CTTNBP2NL: variants seen among roughly 807,000 people sequenced by gnomAD.
CTTNBP2NL encodes the protein CTTNBP2 N-terminal like, also known as CTTNBP2 N-terminal-like protein.
A neutral mutation model predicts 32.5 loss-of-function variants in CTTNBP2NL; 16 were observed. The ratio of observed to expected loss-of-function variants is 0.49; its 90% confidence interval spans 0.33 to 0.75. The LOEUF is 0.75. Ranked by LOEUF, CTTNBP2NL falls within the 30% of genes least tolerant of loss-of-function variation. CTTNBP2NL has a pLI of 0.02. For missense variants in CTTNBP2NL, 645 were observed against 756.0 expected (o/e 0.85, Z 1.72); for synonymous variants, 298 against 289.4 (o/e 1.03, Z -0.30).
intron 4 of CTTNBP2NL, among the ~76,000 whole-genome samples, chr1:112,454,007 T>A (rs770842967): frequency 8.5e-5 from 13 of 152,194 alleles, no homozygotes; most frequent in Non-Finnish European, 1.6e-4. Context: ...ATGTTGAATT[T>A]CAGGCTCCTT....
intron 1 of CTTNBP2NL, among the ~76,000 whole-genome samples, chr1:112,405,578 G>A (rs1019277573): frequency 6.6e-6 from 1 of 152,148 alleles, no homozygotes; most frequent in East Asian, 1.9e-4. Context: ...GATTACATGC[G>A]TGAGCCGCTG....
intron 1 of CTTNBP2NL, among the ~76,000 whole-genome samples, chr1:112,403,193 T>C (rs1453371423): frequency 6.6e-6 from 1 of 152,240 alleles, no homozygotes; most frequent in Non-Finnish European, 1.5e-5. Context: ...TGTTAAATTT[T>C]TTTCCCGACT....
chr1:112,431,884 G>A (rs954298525), intron 3 of CTTNBP2NL, among the ~76,000 whole-genome samples: 1 of 151,926 alleles, frequency 6.6e-6, no homozygotes, highest in Non-Finnish European at 1.5e-5. Flanking sequence ...AGGATCACTT[G>A]AGGCCAGAAG....
intron 3 of CTTNBP2NL, among the ~76,000 whole-genome samples, chr1:112,431,177 G>A (rs1335519213): frequency 6.6e-6 from 1 of 152,200 alleles, no homozygotes; most frequent in Non-Finnish European, 1.5e-5. Context: ...TTACAGCAGT[G>A]AGGAATTTCA....
In CTTNBP2NL at chr1:112,455,816, C is replaced by T. The variant is rs114862071; in HGVS notation, c.439-115C>T. The T allele has an allele frequency of 1.8e-3, 1,280 of 707,300 alleles. 10 individuals are homozygous for T. The African/African-American group carries it at 0.02, about 11-fold the overall frequency. The allele number at this position is 707,300 out of a possible 1,614,324, so 43.8% of individuals were successfully genotyped here. A position where few individuals can be genotyped will look rare whatever the true frequency, so the allele number is the denominator to read the frequency against. ...TAGGTGTTCTAAAATTTCAGAAATACTTGATCTAAGCACTGTGATGTGCAT... is the reference window on the plus strand; with the variant it reads ...TAGGTGTTCTAAAATTTCAGAAATATTTGATCTAAGCACTGTGATGTGCAT... On this transcript the variant is annotated intron_variant, in intron 5 of 5. Coordinates refer to ENST00000271277, the MANE Select transcript of CTTNBP2NL (RefSeq NM_018704.3).
intron 1 of CTTNBP2NL, among the ~76,000 whole-genome samples, chr1:112,406,308 C>T (rs1435547052): frequency 1.3e-5 from 2 of 152,144 alleles, no homozygotes; most frequent in African/African-American, 4.8e-5. Context: ...CTCCTTCCAG[C>T]TTTGTGAATC....
upstream of CTTNBP2NL, among the ~76,000 whole-genome samples, chr1:112,391,337 G>A (rs1012608088): frequency 2.0e-5 from 3 of 152,184 alleles, no homozygotes; most frequent in Admixed American, 6.5e-5. Flanking sequence ...AAGAAAGAAA[G>A]CATTTCTTTT....
intron 2 of CTTNBP2NL, among the ~76,000 whole-genome samples, chr1:112,415,431 A>G (rs1051504592): frequency 6.6e-6 from 1 of 152,158 alleles, no homozygotes; most frequent in Non-Finnish European, 1.5e-5. Flanking sequence ...TTTTATATAC[A>G]GTTTTGGAAA....
intron 3 of CTTNBP2NL, among the ~76,000 whole-genome samples, chr1:112,435,992 A>T (rs758691959): frequency 6.6e-6 from 1 of 151,668 alleles, no homozygotes; most frequent in Non-Finnish European, 1.5e-5. Context: ...TGTCTAAATT[A>T]CACAGATTCT....
At position 112,457,434 on chromosome 1, in the gene CTTNBP2NL, G is replaced by A. The variant is rs372108905; in HGVS notation, c.*22G>A. The A allele has an allele frequency of 1.0e-5, 16 of 1,571,368 alleles. No individual in the cohort carries two copies. The highest frequency in any genetic ancestry group is 1.2e-5 in the Non-Finnish European group (14 of 1,158,834). ...CTAGTCCCTAGGAGGGAGTCTCCACGTTTGACATTCCATCAGATTTCGTCC... is the reference window on the plus strand; with the variant it reads ...CTAGTCCCTAGGAGGGAGTCTCCACATTTGACATTCCATCAGATTTCGTCC... On this transcript the variant is annotated 3_prime_UTR_variant, in exon 6 of 6. Transcript: ENST00000271277.
intron 3 of CTTNBP2NL, among the ~76,000 whole-genome samples, chr1:112,437,347 A>T (rs1361558506): frequency 6.6e-6 from 1 of 152,176 alleles, no homozygotes; most frequent in African/African-American, 2.4e-5. Context: ...ATGGTATCTC[A>T]TTGTGGTTTT....
chr1:112,396,243 G>C lies in CTTNBP2NL; in HGVS notation c.-163G>C, dbSNP rs56119167. The C allele has an allele frequency of 6.6e-6, 1 of 152,414 alleles. No homozygotes were observed. Among genetic ancestry groups the C allele is most frequent in the Non-Finnish European group, 1.5e-5 (1 of 68,204 alleles). 9.4% of individuals were successfully genotyped at this position (152,414 alleles called of 1,614,324 possible). On this transcript the variant is annotated 5_prime_UTR_variant, in exon 1 of 6. Transcript: ENST00000271277. The stretch of plus-strand genomic sequence containing the variant: ...GCTGTGGATGGGGAGTGGAGGCGGA[G>C]GGGAGCGGAGCCCGGAGCGTCGTGG...
rs1236334598 is a variant in CTTNBP2NL, at chr1:112,459,048, A to G, written c.*1636A>G. On this transcript the variant is annotated 3_prime_UTR_variant, in exon 6 of 6. Coordinates refer to ENST00000271277, the MANE Select transcript of CTTNBP2NL (RefSeq NM_018704.3). ...CAGTTCTTCACATTTTTTGAAATCC[A>G]AATTTTCATGAGAAACATTCTCATT... 1.3e-5 allele frequency: 2 copies of G among 152,382 alleles called. No homozygotes were observed. The highest frequency in any genetic ancestry group is 3.9e-4 in the East Asian group (2 of 5,194). The allele number at this position is 152,382 out of a possible 1,614,324, so 9.4% of individuals were successfully genotyped here. A position where few individuals can be genotyped will look rare whatever the true frequency, so the allele number is the denominator to read the frequency against.
chr1:112,437,162 G>A (rs1225637692), intron 3 of CTTNBP2NL, among the ~76,000 whole-genome samples: 1 of 152,108 alleles, frequency 6.6e-6, no homozygotes, highest in Non-Finnish European at 1.5e-5. Context: ...TTGAGTAATG[G>A]GATTACTGGT....
chr1:112,393,176 T>C (rs775642925), upstream of CTTNBP2NL, among the ~76,000 whole-genome samples: 13 of 152,220 alleles, frequency 8.5e-5, no homozygotes, highest in Non-Finnish European at 1.6e-4. Context: ...GATTTTGTAC[T>C]TCTAGCCTCA....
intron 4 of CTTNBP2NL, 68 bp from the exon 5 acceptor site, chr1:112,454,378 CTTA>C: frequency 8.6e-7 from 1 of 1,158,458 alleles, no homozygotes; most frequent in Non-Finnish European, 1.3e-6. Flanking sequence ...TGATTTGGCA[CTTA>C]TTATTGGTTG....
chr1:112,456,438 A>G lies in CTTNBP2NL; in HGVS notation c.946A>G (p.Ser316Gly), dbSNP rs1650366487. The G allele has an allele frequency of 6.2e-7, 1 of 1,614,090 alleles. No individual in the cohort carries two copies. Among genetic ancestry groups the G allele is most frequent in the Non-Finnish European group, 8.5e-7 (1 of 1,180,018 alleles). The change falls in exon 6 of 6, where the codon AGT becomes GGT. Residue 316 changes from serine (S) to glycine (G), a missense_variant. Transcript: ENST00000271277. ...MLMSVFCQTE[S>G]FPAERTHGSN... is the part of the protein sequence containing the mutation. ...AATGTCTGTGTTTTGCCAAACAGAG[A>G]GTTTTCCAGCAGAAAGAACCCATGG...
At chr1:112,430,909 G>T (rs187684679) in intron 3 of CTTNBP2NL, among the ~76,000 whole-genome samples, 10 of 152,244 alleles carry the variant, frequency 6.6e-5, no homozygotes, top group Admixed American at 3.9e-4. Context: ...TTATTGTCTG[G>T]CATCAGCTGT....
At chr1:112,429,961 A>G (rs979249532) in intron 3 of CTTNBP2NL, among the ~76,000 whole-genome samples, 5 of 152,168 alleles carry the variant, frequency 3.3e-5, no homozygotes, top group Admixed American at 1.3e-4. Context: ...TAGGAAGAGC[A>G]TGAAATTAGT....
Sources: gnomAD v4.1 joint callset for allele counts (sites outside exome capture counted in the v4.1 genomes callset) on GRCh38, gnomAD v4.1.1 for gene constraint, MANE v1.5 for transcripts, NCBI Gene and HGNC (gene_info 2026-07-23, HGNC 2026-07-21) for gene names.